PLCB4: variants seen among roughly 807,000 people sequenced by gnomAD.
PLCB4 encodes phospholipase C beta 4.
Under a neutral mutation model 178.8 loss-of-function variants are expected in PLCB4, and 77 were observed. That is an observed-to-expected ratio of 0.43 (90% CI 0.36 to 0.52). The LOEUF (loss-of-function observed/expected upper bound fraction) is 0.52. Ranked by LOEUF, PLCB4 falls within the 20% of genes least tolerant of loss-of-function variation. The pLI is 0.00. For synonymous variants in PLCB4, 496 were observed against 490.8 expected (o/e 1.01, Z -0.14); for missense variants, 1,024 against 1,453.4 (o/e 0.70, Z 4.80).
At chr20:9,213,118 C>T (rs1480342431) in intron 2 of PLCB4, among the ~76,000 whole-genome samples, 3 of 132,858 alleles carry the variant, frequency 2.3e-5, no homozygotes, top group Admixed American at 2.2e-4. Flanking sequence ...GGCTTCTCTC[C>T]GTTAGCATAC....
intron 3 of PLCB4, among the ~76,000 whole-genome samples, chr20:9,301,884 A>G (rs1302668655): frequency 6.6e-6 from 1 of 152,104 alleles, no homozygotes; most frequent in East Asian, 1.9e-4. Flanking sequence ...GATTTAGAAC[A>G]ATGCGACTAT....
intron 2 of PLCB4, among the ~76,000 whole-genome samples, chr20:9,153,783 CTTCCTAGTA>C (rs2092733977): frequency 6.6e-6 from 1 of 152,126 alleles, no homozygotes; most frequent in African/African-American, 2.4e-5. Flanking sequence ...AGTGTTCTTT[CTTCCTAGTA>C]TTTGGCTCTC....
chr20:9,200,656 G>T (rs1356024175), intron 2 of PLCB4, among the ~76,000 whole-genome samples: 1 of 152,024 alleles, frequency 6.6e-6, no homozygotes, highest in South Asian at 2.1e-4. Context: ...CTGTTTTCCA[G>T]CTACGTTGGT....
intron 3 of PLCB4, among the ~76,000 whole-genome samples, chr20:9,236,208 C>T (rs2093991181): frequency 6.6e-6 from 1 of 152,150 alleles, no homozygotes; most frequent in African/African-American, 2.4e-5. Context: ...AGCAGGTACT[C>T]TGGCACAGAT....
chr20:9,215,773 G>A (rs548610726), intron 2 of PLCB4, among the ~76,000 whole-genome samples: 92 of 152,292 alleles, frequency 6.0e-4, no homozygotes, highest in Middle Eastern at 3.4e-3. Flanking sequence ...GCCACACTCA[G>A]TGTTTCTTGT....
chr20:9,156,846 TCCCTCC>T, intron 2 of PLCB4, among the ~76,000 whole-genome samples: 1 of 46,804 alleles, frequency 2.1e-5, no homozygotes, highest in Non-Finnish European at 4.1e-5. Context: ...CCTCCCTCCC[TCCCTCC>T]CTTCCTTCCT....
At chr20:9,408,094 C>A in intron 22 of PLCB4, 36 bp downstream of exon 22, 1 of 1,559,408 alleles carries the variant, frequency 6.4e-7, no homozygotes, top group Non-Finnish European at 8.7e-7. Flanking sequence ...GCCTTTTTTG[C>A]TTGATTTTCT....
rs528128489 is a variant in PLCB4 at position 9,408,062 on chromosome 20, A to C, written c.1789+4A>C. 6.2e-7 allele frequency: 1 copy of C among 1,608,968 alleles called. No homozygotes were observed. Among genetic ancestry groups the C allele is most frequent in the South Asian group, 1.1e-5 (1 of 90,064 alleles). On this transcript the variant is annotated splice_donor_region_variant and intron_variant, in intron 22 of 39. Coordinates refer to ENST00000378473, the MANE Select transcript of PLCB4 (RefSeq NM_001377142.1). ...CAAGGTTTCCATGTGGCAGAAGGTA[A>C]CACCAAAGGTTAAATGCAGTCGCCT...
rs774953016 is a variant in PLCB4, at chr20:9,387,449, C to G, written c.1065-14C>G. On this transcript the variant is annotated splice_polypyrimidine_tract_variant and intron_variant, in intron 14 of 39. Coordinates refer to ENST00000378473, the MANE Select transcript of PLCB4 (RefSeq NM_001377142.1). The stretch of plus-strand genomic sequence containing the variant: ...TTGTAAAGTTTCAATATTGTAACTT[C>G]ACTATATCCCTAGATGTGTTGAACT... 28 of 1,328,492 alleles carry G rather than the reference C, an allele frequency of 2.1e-5. No homozygotes were observed. Among genetic ancestry groups the G allele is most frequent in the Non-Finnish European group, 2.8e-5 (26 of 937,780 alleles). 82.3% of individuals were successfully genotyped at this position (1,328,492 alleles called of 1,614,324 possible).
rs139359224 is a variant in PLCB4, at chr20:9,069,860, C to T, written c.-135+654C>T. On this transcript the variant is annotated intron_variant, in intron 1 of 39. Coordinates refer to ENST00000378473, the MANE Select transcript of PLCB4 (RefSeq NM_001377142.1). ...TCTAGAATCATAAAACTAGCATTTT[C>T]CTAGAGAGAAATACAACTGCCCACT... is the stretch of plus-strand genomic sequence containing the variant. Among the ~76,000 whole-genome samples, 202 of 152,204 alleles carry T rather than the reference C, an allele frequency of 1.3e-3. 2 individuals carry two copies. Among genetic ancestry groups the T allele is most frequent in the African/African-American group, 4.7e-3 (195 of 41,520 alleles).
At position 9,480,198 on chromosome 20, in the gene PLCB4, G is replaced by T. The variant is rs1012001856; in HGVS notation, c.*1189G>T. The T allele has an allele frequency of 7.9e-5, 12 of 152,570 alleles. No homozygotes were observed. The highest frequency in any genetic ancestry group is 1.6e-4 in the Non-Finnish European group (11 of 68,032). 9.5% of individuals were successfully genotyped at this position (152,570 alleles called of 1,614,324 possible). A position where few individuals can be genotyped will look rare whatever the true frequency, so the allele number is the denominator to read the frequency against. On this transcript the variant is annotated 3_prime_UTR_variant, in exon 40 of 40. Transcript: ENST00000378473. ...AATTTGCTACAGTGTTAATCTGCAT[G>T]GTCTTTAAGCCTGCTGTAGTTGAGT...
chr20:9,387,002 A>G (rs1282426646), intron 14 of PLCB4, among the ~76,000 whole-genome samples: 1 of 150,594 alleles, frequency 6.6e-6, no homozygotes, highest in African/African-American at 2.4e-5. Context: ...AGCAATTCTC[A>G]TGCCTTAGCC....
chr20:9,105,253 C>T (rs552374716), intron 2 of PLCB4, among the ~76,000 whole-genome samples: 2 of 151,974 alleles, frequency 1.3e-5, no homozygotes, highest in African/African-American at 4.8e-5. Context: ...TACAACCATA[C>T]AAAAGTTTGG....
intron 3 of PLCB4, among the ~76,000 whole-genome samples, chr20:9,266,099 C>G (rs1466058415): frequency 1.3e-5 from 2 of 152,214 alleles, no homozygotes; most frequent in East Asian, 3.8e-4. Flanking sequence ...TGTTGGCAAG[C>G]AGCTTCAAGT....
chr20:9,182,667 C>T (rs2093266699), intron 2 of PLCB4, among the ~76,000 whole-genome samples: 1 of 152,120 alleles, frequency 6.6e-6, no homozygotes, highest in Non-Finnish European at 1.5e-5. Flanking sequence ...GAAATGAACT[C>T]CCAGCTCAGG....
intron 2 of PLCB4, among the ~76,000 whole-genome samples, chr20:9,113,128 T>G (rs1274637781): frequency 6.6e-6 from 1 of 152,192 alleles, no homozygotes; most frequent in Non-Finnish European, 1.5e-5. Context: ...CAGCTTATAC[T>G]TAGAAGAAAA....
intron 2 of PLCB4, among the ~76,000 whole-genome samples, chr20:9,109,762 CT>C (rs994488922): frequency 2.0e-5 from 3 of 152,108 alleles, no homozygotes; most frequent in African/African-American, 7.2e-5. Context: ...AAATATTATC[CT>C]TTTTTTCTTG....
intron 15 of PLCB4, among the ~76,000 whole-genome samples, chr20:9,388,563 A>G (rs1026494115): frequency 1.3e-5 from 2 of 152,204 alleles, no homozygotes; most frequent in Non-Finnish European, 2.9e-5. Context: ...TACTAAAAAT[A>G]CAAAAATTAG....
At chr20:9,418,785 T>G (rs1240837682) in intron 25 of PLCB4, among the ~76,000 whole-genome samples, 1 of 152,198 alleles carries the variant, frequency 6.6e-6, no homozygotes, top group East Asian at 1.9e-4. Flanking sequence ...CAATATGGTC[T>G]TCCAACCCAT....
Sources: allele counts gnomAD v4.1 joint callset (sites outside exome capture counted in the v4.1 genomes callset), GRCh38; gene constraint gnomAD v4.1.1; transcripts MANE v1.5; gene names NCBI Gene and HGNC (gene_info 2026-07-23, HGNC 2026-07-21).